Variants in TANC1 observed in about 807,000 individuals in gnomAD.
TANC1 encodes protein TANC1.
In TANC1, 77 loss-of-function variants were observed where a neutral mutation model predicts 149.7. That is an observed-to-expected ratio of 0.51 (90% CI 0.43 to 0.62). The LOEUF is 0.62. Among genes scored for constraint, TANC1 ranks in the 20% least tolerant of loss-of-function variants. The probability of loss-of-function intolerance (pLI) is 0.00; values close to 1 mark genes in which losing one functional copy is unlikely to be tolerated. For synonymous variants in TANC1, 854 were observed against 925.0 expected (o/e 0.92, Z 1.39); for missense variants, 1,985 against 2,321.8 (o/e 0.85, Z 2.98).
chr2:159,142,023 T>C (rs1327468481), intron 5 of TANC1, among the ~76,000 whole-genome samples: 2 of 152,184 alleles, frequency 1.3e-5, no homozygotes, highest in East Asian at 1.9e-4. Context: ...TTCAGGAGAC[T>C]TGTGAAGGTC....
intron 4 of TANC1, among the ~76,000 whole-genome samples, chr2:159,121,737 C>T (rs2048871098): frequency 6.6e-6 from 1 of 152,164 alleles, no homozygotes; most frequent in Non-Finnish European, 1.5e-5. Context: ...TTGGTATGGA[C>T]AAACATTGCT....
At chr2:159,132,240 T>C (rs1054129250) in intron 4 of TANC1, among the ~76,000 whole-genome samples, 1 of 152,236 alleles carries the variant, frequency 6.6e-6, no homozygotes, top group African/African-American at 2.4e-5. Flanking sequence ...AATTAATGTA[T>C]GTGCGTGCTT....
At chr2:159,022,229 A>G (rs778765288) in intron 2 of TANC1, among the ~76,000 whole-genome samples, 5 of 152,184 alleles carry the variant, frequency 3.3e-5, no homozygotes, top group African/African-American at 9.7e-5. Context: ...TTTCTCAACT[A>G]TCACTCTTGT....
chr2:159,068,825 C>T lies in TANC1; in HGVS notation c.61+2854C>T, dbSNP rs556218139. 2.6e-5 allele frequency among the ~76,000 whole-genome samples: 4 copies of T among 152,270 alleles called. No homozygotes were observed. The South Asian group carries it at 6.2e-4, about 24-fold the overall frequency. On this transcript the variant is annotated intron_variant, in intron 3 of 26. Transcript: ENST00000263635. ...CACCATCTCCACTCACTGCAACCTC[C>T]GCCTCCTGGGTTCAAGCAATTCTCC...
chr2:159,219,183 G>A (rs2059532898), intron 20 of TANC1, 55 bp from the exon 21 acceptor site: 1 of 1,610,280 alleles, frequency 6.2e-7, no homozygotes, highest in Admixed American at 1.7e-5. Flanking sequence ...CCTGGGTATA[G>A]CAGGTGTGGT....
intron 7 of TANC1, among the ~76,000 whole-genome samples, chr2:159,154,505 T>C (rs1041992636): frequency 6.6e-6 from 1 of 152,126 alleles, no homozygotes; most frequent in East Asian, 1.9e-4. Flanking sequence ...AGTACAAGAA[T>C]TTACTGGGCC....
At chr2:159,039,011 A>T (rs2149516698) in intron 2 of TANC1, among the ~76,000 whole-genome samples, 1 of 152,290 alleles carries the variant, frequency 6.6e-6, no homozygotes, top group Non-Finnish European at 1.5e-5. Flanking sequence ...GCTATTAATT[A>T]TTGCCTCAAT....
At chr2:159,194,642 AT>A (rs2057717328) in intron 17 of TANC1, 149 bp downstream of exon 17, 1 of 711,560 alleles carries the variant, frequency 1.4e-6, no homozygotes, top group Non-Finnish European at 2.4e-6. Context: ...TCACTTTGTA[AT>A]GTGGCAGCCT....
At chr2:159,005,053 C>T (rs907061788) in intron 2 of TANC1, among the ~76,000 whole-genome samples, 19 of 152,160 alleles carry the variant, frequency 1.2e-4, no homozygotes, top group African/African-American at 4.1e-4. Context: ...GTCCTTAAGG[C>T]GCAGATCACT....
intron 1 of TANC1, among the ~76,000 whole-genome samples, chr2:158,999,153 T>C (rs1284088544): frequency 6.6e-6 from 1 of 152,168 alleles, no homozygotes; most frequent in African/African-American, 2.4e-5. Context: ...TTTTGTCAGA[T>C]AGGAAGTTTC....
chr2:159,206,306 G>A (rs1483707497), intron 19 of TANC1, among the ~76,000 whole-genome samples: 1 of 152,162 alleles, frequency 6.6e-6, no homozygotes, highest in Non-Finnish European at 1.5e-5. Flanking sequence ...AGGCAGATAG[G>A]GGATCAGAAC....
intron 4 of TANC1, among the ~76,000 whole-genome samples, chr2:159,120,321 T>C (rs1382253661): frequency 1.3e-5 from 2 of 151,850 alleles, no homozygotes; most frequent in Non-Finnish European, 2.9e-5. Flanking sequence ...GGATAGGGAG[T>C]AGACAATGGT....
chr2:159,034,688 A>G (rs2040041753), intron 2 of TANC1, among the ~76,000 whole-genome samples: 1 of 152,242 alleles, frequency 6.6e-6, no homozygotes, highest in South Asian at 2.1e-4. Context: ...CCCCAAATGT[A>G]GGACAGATCC....
At chr2:159,030,693 TC>T (rs2039709618) in intron 2 of TANC1, among the ~76,000 whole-genome samples, 1 of 152,230 alleles carries the variant, frequency 6.6e-6, no homozygotes, top group South Asian at 2.1e-4. Flanking sequence ...AAAAGAGAGA[TC>T]CTGTTTTCTC....
chr2:159,157,048 C>G lies in TANC1; in HGVS notation c.683-6235C>G, dbSNP rs548915549. The stretch of plus-strand genomic sequence containing the variant: ...CTAGAAATTTCGTACAGAGATCTGG[C>G]TGTCACAAGCCAGCATACGGGGCTC... On this transcript the variant is annotated intron_variant, in intron 7 of 26. Coordinates refer to ENST00000263635, the MANE Select transcript of TANC1 (RefSeq NM_033394.3). 3.9e-5 allele frequency among the ~76,000 whole-genome samples: 6 copies of G among 152,368 alleles called. No homozygotes were observed. In the South Asian group the frequency reaches 1.0e-3, roughly 26 times the overall value.
At chr2:159,128,972 CT>C (rs1488687148) in intron 4 of TANC1, among the ~76,000 whole-genome samples, 1 of 152,064 alleles carries the variant, frequency 6.6e-6, no homozygotes, top group African/African-American at 2.4e-5. Flanking sequence ...CTTTATTTTC[CT>C]CATCTTGTGA....
chr2:158,976,972 A>G (rs1258532693), intron 1 of TANC1, among the ~76,000 whole-genome samples: 1 of 152,132 alleles, frequency 6.6e-6, no homozygotes, highest in East Asian at 1.9e-4. Flanking sequence ...CCATCCTTTA[A>G]AAGTTTTAAA....
At chr2:158,994,704 A>C (rs1574015988) in intron 1 of TANC1, among the ~76,000 whole-genome samples, 1 of 152,168 alleles carries the variant, frequency 6.6e-6, no homozygotes, top group African/African-American at 2.4e-5. Flanking sequence ...ACTTTTTAAA[A>C]CTTTGTAATC....
At chr2:159,070,681 C>T (rs905372608) in intron 3 of TANC1, among the ~76,000 whole-genome samples, 1 of 152,184 alleles carries the variant, frequency 6.6e-6, no homozygotes, top group Non-Finnish European at 1.5e-5. Context: ...TCACGTGCCT[C>T]GGATCTAGCT....
Sources: gnomAD v4.1 joint callset for allele counts (sites outside exome capture counted in the v4.1 genomes callset) on GRCh38, gnomAD v4.1.1 for gene constraint, MANE v1.5 for transcripts, NCBI Gene and HGNC (gene_info 2026-07-23, HGNC 2026-07-21) for gene names.